ANKS1B: variants seen among roughly 807,000 people sequenced by gnomAD.
The protein encoded by ANKS1B is ankyrin repeat and sterile alpha motif domain-containing protein 1B.
A neutral mutation model predicts 148.3 loss-of-function variants in ANKS1B; 36 were observed. The ratio of observed to expected loss-of-function variants is 0.24; its 90% CI spans 0.19 to 0.32. ANKS1B has a LOEUF of 0.32. Among genes scored for constraint, ANKS1B ranks in the 10% least tolerant of loss-of-function variants. ANKS1B has a pLI of 1.00. For missense variants in ANKS1B, 1,157 were observed against 1,542.6 expected, an observed-to-expected ratio of 0.75 and a Z score of 4.19; for synonymous variants, 542 against 560.8, an observed-to-expected ratio of 0.97 and a Z score of 0.47.
chr12:99,459,185 G>A (rs1595175715), intron 10 of ANKS1B, among the ~76,000 whole-genome samples: 1 of 152,150 alleles, frequency 6.6e-6, no homozygotes, highest in Middle Eastern at 3.4e-3. Context: ...AATAGATGCA[G>A]AAAAAGCATT....
intron 19 of ANKS1B, among the ~76,000 whole-genome samples, chr12:98,816,045 A>G (rs1448375025): frequency 6.6e-6 from 1 of 151,848 alleles, no homozygotes; most frequent in Admixed American, 6.6e-5. Context: ...TCTCCTACCC[A>G]TCTTCGTCTT....
At chr12:99,982,979 G>A (rs2095726905) in intron 1 of ANKS1B, among the ~76,000 whole-genome samples, 1 of 152,152 alleles carries the variant, frequency 6.6e-6, no homozygotes, top group Non-Finnish European at 1.5e-5. Context: ...CTTGTGTAAA[G>A]AACGCAATGT....
At chr12:99,027,366 T>C (rs1190328713) in intron 17 of ANKS1B, among the ~76,000 whole-genome samples, 1 of 152,202 alleles carries the variant, frequency 6.6e-6, no homozygotes, top group African/African-American at 2.4e-5. Flanking sequence ...ATTCACTGTG[T>C]TGGACATTAG....
chr12:98,944,391 G>A (rs1457527650), intron 17 of ANKS1B, among the ~76,000 whole-genome samples: 2 of 149,612 alleles, frequency 1.3e-5, no homozygotes, highest in Admixed American at 6.7e-5. Context: ...AAAGCTTCCT[G>A]AGGCCCTCAC....
intron 12 of ANKS1B, among the ~76,000 whole-genome samples, chr12:99,249,497 G>T (rs1388910220): frequency 1.3e-5 from 2 of 152,104 alleles, no homozygotes; most frequent in Non-Finnish European, 2.9e-5. Context: ...TTAGTTTTTT[G>T]AATAGCAGTT....
chr12:98,917,263 T>A (rs1266833890), intron 17 of ANKS1B, among the ~76,000 whole-genome samples: 2 of 152,206 alleles, frequency 1.3e-5, no homozygotes, highest in Admixed American at 1.3e-4. Context: ...ACTTTCTCAA[T>A]GTCACACTGC....
chr12:98,813,713 C>A (rs373454291), intron 19 of ANKS1B, among the ~76,000 whole-genome samples: 3 of 150,780 alleles, frequency 2.0e-5, no homozygotes, highest in African/African-American at 7.3e-5. Context: ...AACCACCTCA[C>A]CCAGTTAATT....
chr12:98,923,894 T>C (rs1192196403), intron 17 of ANKS1B, among the ~76,000 whole-genome samples: 1 of 152,216 alleles, frequency 6.6e-6, no homozygotes, highest in African/African-American at 2.4e-5. Context: ...CTCTTCATTC[T>C]TTTTTGCTCT....
At chr12:99,763,656 A>G (rs2062373835) in intron 8 of ANKS1B, among the ~76,000 whole-genome samples, 2 of 152,102 alleles carry the variant, frequency 1.3e-5, no homozygotes, top group Admixed American at 1.3e-4. Context: ...TGAACCTAAA[A>G]TAAAAGCTGG....
chr12:99,022,865 C>T (rs913862608), intron 17 of ANKS1B, among the ~76,000 whole-genome samples: 3 of 151,976 alleles, frequency 2.0e-5, no homozygotes, highest in African/African-American at 7.2e-5. Context: ...GTTTTTCATA[C>T]ATAAACTTAA....
intron 2 of ANKS1B, among the ~76,000 whole-genome samples, chr12:99,816,555 T>C (rs556934155): frequency 2.5e-4 from 38 of 151,866 alleles, no homozygotes; most frequent in African/African-American, 9.1e-4. Flanking sequence ...AATTAAAATT[T>C]ATTTTCAAAT....
chr12:98,736,409 G>A (rs1412868343), intron 9 of ANKS1B, among the ~76,000 whole-genome samples: 34 of 152,190 alleles, frequency 2.2e-4, no homozygotes, highest in Admixed American at 2.2e-3. Context: ...GTTTTAGCCT[G>A]AGCAACTGGA....
At chr12:99,662,822 T>C (rs2098484233) in intron 8 of ANKS1B, among the ~76,000 whole-genome samples, 1 of 152,118 alleles carries the variant, frequency 6.6e-6, no homozygotes, top group Admixed American at 6.6e-5. Flanking sequence ...CTCCTTATAG[T>C]AATAATTGGG....
chr12:99,572,182 A>T (rs2097463247), intron 9 of ANKS1B, among the ~76,000 whole-genome samples: 1 of 152,088 alleles, frequency 6.6e-6, no homozygotes, highest in Non-Finnish European at 1.5e-5. Flanking sequence ...TTATATTCCA[A>T]GATTAAGAAT....
chr12:99,415,844 C>T (rs929384086), intron 11 of ANKS1B, among the ~76,000 whole-genome samples: 3 of 152,028 alleles, frequency 2.0e-5, no homozygotes, highest in African/African-American at 4.8e-5. Context: ...CCACCACGCC[C>T]GGCTAATTTT....
At chr12:99,276,526 G>A (rs1406439598) in intron 12 of ANKS1B, among the ~76,000 whole-genome samples, 1 of 152,080 alleles carries the variant, frequency 6.6e-6, no homozygotes, top group African/African-American at 2.4e-5. Context: ...GAAGCAAGAG[G>A]GTGAGCATCT....
chr12:99,562,880 T>C (rs2097351706), intron 9 of ANKS1B, among the ~76,000 whole-genome samples: 1 of 152,206 alleles, frequency 6.6e-6, no homozygotes, highest in South Asian at 2.1e-4. Context: ...GCCACCTTTA[T>C]CAATTACCTT....
At chr12:99,646,408 C>T (rs939862507) in intron 9 of ANKS1B, among the ~76,000 whole-genome samples, 1 of 152,080 alleles carries the variant, frequency 6.6e-6, no homozygotes, top group Non-Finnish European at 1.5e-5. Context: ...CCTGTAATCC[C>T]AGCACTTGGG....
At chr12:98,900,278 C>T (rs969355707) in intron 17 of ANKS1B, among the ~76,000 whole-genome samples, 5 of 152,130 alleles carry the variant, frequency 3.3e-5, no homozygotes, top group Non-Finnish European at 7.3e-5. Context: ...GGAAGAAATA[C>T]GCTCATATTT....
Sources: allele counts gnomAD v4.1 joint callset (sites outside exome capture counted in the v4.1 genomes callset), GRCh38; gene constraint gnomAD v4.1.1; transcripts MANE v1.5; gene names NCBI Gene and HGNC (gene_info 2026-07-23, HGNC 2026-07-21).